The following SYNPR variants were observed in gnomAD, a reference collection of about 807,000 sequenced individuals.
The protein encoded by SYNPR is synaptoporin.
A neutral mutation model predicts 32.9 loss-of-function variants in SYNPR; 23 were observed. The ratio of observed to expected loss-of-function variants is 0.70; its 90% CI spans 0.50 to 0.99. The LOEUF is 0.99. SYNPR is among the 50% of genes least tolerant of loss of function. The probability of loss-of-function intolerance (pLI) is 0.00; values close to 1 mark genes in which losing one functional copy is unlikely to be tolerated. For synonymous variants in SYNPR, 146 were observed against 135.9 expected, an observed-to-expected ratio of 1.07 and a Z score of -0.52; for missense variants, 318 against 349.3, an observed-to-expected ratio of 0.91 and a Z score of 0.71.
At chr3:63,272,417 A>G (rs571458010) in intron 3 of SYNPR, among the ~76,000 whole-genome samples, 1 of 152,184 alleles carries the variant, frequency 6.6e-6, no homozygotes, top group South Asian at 2.1e-4. Context: ...TGGGATGAAG[A>G]CTAGGCAAGA....
At chr3:63,582,424 T>C (rs908081427) in intron 4 of SYNPR, among the ~76,000 whole-genome samples, 1 of 152,082 alleles carries the variant, frequency 6.6e-6, no homozygotes, top group African/African-American at 2.4e-5. Flanking sequence ...TCATATGGTG[T>C]CCCCATAGCA....
At chr3:63,396,576 T>C (rs1458521889) in intron 2 of SYNPR, among the ~76,000 whole-genome samples, 1 of 152,218 alleles carries the variant, frequency 6.6e-6, no homozygotes, top group Non-Finnish European at 1.5e-5. Flanking sequence ...CACTCCTGGA[T>C]AAATCTCTGG....
chr3:63,403,824 G>T (rs2088324416), intron 2 of SYNPR, among the ~76,000 whole-genome samples: 1 of 152,160 alleles, frequency 6.6e-6, no homozygotes, highest in South Asian at 2.1e-4. Flanking sequence ...AAGCCAGAGA[G>T]AAAGGAGCTG....
At chr3:63,569,870 C>T (rs187286713) in intron 4 of SYNPR, among the ~76,000 whole-genome samples, 80 of 152,192 alleles carry the variant, frequency 5.3e-4, no homozygotes, top group Non-Finnish European at 6.8e-4. Flanking sequence ...CTGCAATGCC[C>T]GCAGTTCTGT....
At chr3:63,367,195 A>G (rs1199086987) in intron 2 of SYNPR, among the ~76,000 whole-genome samples, 1 of 152,176 alleles carries the variant, frequency 6.6e-6, no homozygotes, top group African/African-American at 2.4e-5. Flanking sequence ...AGTAAGGAGT[A>G]ATTTTATATT....
the SYNPR span, among the ~76,000 whole-genome samples, chr3:63,209,315 C>CAAAAAAA: frequency 9.7e-6 from 1 of 103,238 alleles, no homozygotes; most frequent in African/African-American, 3.8e-5. Flanking sequence ...GACTCCGTCT[C>CAAAAAAA]AAAAAAAAAA....
chr3:63,219,079 T>G, the SYNPR span, among the ~76,000 whole-genome samples: 2 of 152,174 alleles, frequency 1.3e-5, no homozygotes, highest in South Asian at 4.1e-4. Context: ...TAAGTCAAGA[T>G]AAGTTCTATG....
chr3:63,390,049 C>G (rs1650520211), intron 2 of SYNPR, among the ~76,000 whole-genome samples: 1 of 152,212 alleles, frequency 6.6e-6, no homozygotes, highest in African/African-American at 2.4e-5. Flanking sequence ...GACCAAGCAT[C>G]AAATGACTTC....
At chr3:63,245,804 G>T (rs931204783) in intron 1 of SYNPR, among the ~76,000 whole-genome samples, 2 of 151,262 alleles carry the variant, frequency 1.3e-5, no homozygotes, top group Admixed American at 6.6e-5. Flanking sequence ...CCTCTTCTGG[G>T]TGACTTTTGA....
At chr3:63,610,628 G>A in intron 5 of SYNPR, 1 of 566,722 alleles carries the variant, frequency 1.8e-6, no homozygotes, top group Non-Finnish European at 3.2e-6. Flanking sequence ...GACCACACTT[G>A]TAAATGAACA....
chr3:63,445,621 T>C (rs560181101), intron 2 of SYNPR: 2 of 667,550 alleles, frequency 3.0e-6, no homozygotes, highest in Non-Finnish European at 5.4e-6. Flanking sequence ...GCATTTTACA[T>C]GGCTTATCCC....
At chr3:63,584,424 A>G (rs1218440721) in intron 4 of SYNPR, among the ~76,000 whole-genome samples, 3 of 152,078 alleles carry the variant, frequency 2.0e-5, no homozygotes, top group Non-Finnish European at 4.4e-5. Flanking sequence ...TAATAGAGGT[A>G]TGGGACACGA....
At chr3:63,574,849 T>G (rs1474230997) in intron 4 of SYNPR, among the ~76,000 whole-genome samples, 2 of 152,118 alleles carry the variant, frequency 1.3e-5, no homozygotes, top group Admixed American at 1.3e-4. Flanking sequence ...AATTTAAGGA[T>G]AAAATGTGTT....
chr3:63,612,898 C>A (rs1700220644), intron 5 of SYNPR, among the ~76,000 whole-genome samples: 1 of 147,162 alleles, frequency 6.8e-6, no homozygotes, highest in East Asian at 2.1e-4. Flanking sequence ...CCCTCCACTC[C>A]CCTCCTCTCC....
At position 63,605,329 on chromosome 3, in the gene SYNPR, G is replaced by A. The variant is rs191406725; in HGVS notation, c.409-3796G>A. ...ATTCTGGGCCAAGGGAATAGCAAGT[G>A]TGAAGTCCCCAAGACAGGAATTTGC... On this transcript the variant is annotated intron_variant, in intron 4 of 5. Transcript: ENST00000478300. Among the ~76,000 whole-genome samples, 29 of 152,310 alleles carry A rather than the reference G, an allele frequency of 1.9e-4. 1 individual carries two copies. Among genetic ancestry groups the A allele is most frequent in the Admixed American group, 8.5e-4 (13 of 15,298 alleles).
chr3:63,299,596 A>G (rs539444079), intron 2 of SYNPR, among the ~76,000 whole-genome samples: 13 of 152,254 alleles, frequency 8.5e-5, no homozygotes, highest in Admixed American at 2.0e-4. Flanking sequence ...ACAGCCAGAT[A>G]CAGGGAGACA....
chr3:63,322,525 T>C lies in SYNPR; in HGVS notation c.84+43783T>C, dbSNP rs184663856. Among the ~76,000 whole-genome samples, 752 of 152,182 alleles carry C rather than the reference T, an allele frequency of 4.9e-3. 5 individuals carry two copies. Among genetic ancestry groups the C allele is most frequent in the African/African-American group, 0.017 (707 of 41,548 alleles). On this transcript the variant is annotated intron_variant, in intron 2 of 5. Coordinates refer to ENST00000478300, the MANE Select transcript of SYNPR (RefSeq NM_001130003.2). ...ATGTATACGCTTGACCACTAGCCTATACTGCCTTCACAAATGTAAATTAAT... is the reference window on the plus strand; with the variant it reads ...ATGTATACGCTTGACCACTAGCCTACACTGCCTTCACAAATGTAAATTAAT...
At chr3:63,335,711 A>G (rs897938585) in intron 2 of SYNPR, among the ~76,000 whole-genome samples, 2 of 143,580 alleles carry the variant, frequency 1.4e-5, no homozygotes, top group Admixed American at 7.1e-5. Flanking sequence ...TTGCTTGCCT[A>G]TCTCCTAGTC....
At chr3:63,235,260 G>C (rs2086192893) in intron 1 of SYNPR, among the ~76,000 whole-genome samples, 1 of 152,168 alleles carries the variant, frequency 6.6e-6, no homozygotes, top group South Asian at 2.1e-4. Flanking sequence ...TGGAGATGTA[G>C]GGTCTGGGCC....
Sources: gnomAD v4.1 joint callset for allele counts (sites outside exome capture counted in the v4.1 genomes callset) on GRCh38, gnomAD v4.1.1 for gene constraint, MANE v1.5 for transcripts, NCBI Gene and HGNC (gene_info 2026-07-23, HGNC 2026-07-21) for gene names.